Variants in SHISA9 observed in about 807,000 individuals in gnomAD.
SHISA9 encodes shisa family member 9.
Under a neutral mutation model 38.0 loss-of-function variants are expected in SHISA9, and 13 were observed. That is an observed-to-expected ratio of 0.34 (90% confidence interval 0.22 to 0.54). The LOEUF is 0.54. Among genes scored for constraint, SHISA9 ranks in the 20% least tolerant of loss-of-function variants. The pLI is 0.91. For missense variants in SHISA9, 538 were observed against 575.8 expected (o/e 0.93, Z 0.67); for synonymous variants, 275 against 242.0 (o/e 1.14, Z -1.27).
chr16:12,965,347 C>G (rs771142905), intron 2 of SHISA9, among the ~76,000 whole-genome samples: 5 of 152,180 alleles, frequency 3.3e-5, no homozygotes, highest in African/African-American at 4.8e-5. Flanking sequence ...CTGCCTAATT[C>G]CAGAGCACTT....
chr16:13,298,045 T>C, the SHISA9 span, among the ~76,000 whole-genome samples: 911 of 152,286 alleles, frequency 6.0e-3, 7 homozygotes, highest in African/African-American at 0.021. Flanking sequence ...CTTGAGCTAC[T>C]GTGCCCAGCT....
intron 2 of SHISA9, among the ~76,000 whole-genome samples, chr16:13,050,799 T>C (rs1198519697): frequency 6.6e-6 from 1 of 152,240 alleles, no homozygotes; most frequent in Non-Finnish European, 1.5e-5. Flanking sequence ...TCTGCTTCTG[T>C]GCTCAAGCTG....
intron 2 of SHISA9, among the ~76,000 whole-genome samples, chr16:13,145,736 A>G (rs915834265): frequency 4.6e-5 from 7 of 152,214 alleles, no homozygotes; most frequent in African/African-American, 1.2e-4. Flanking sequence ...GATTAATTGC[A>G]ATCTGCCAGT....
the SHISA9 span, among the ~76,000 whole-genome samples, chr16:13,365,980 A>G: frequency 6.6e-6 from 1 of 152,220 alleles, no homozygotes; most frequent in Non-Finnish European, 1.5e-5. Flanking sequence ...CATCTCATAG[A>G]AAATAAAAGC....
intron 2 of SHISA9, among the ~76,000 whole-genome samples, chr16:13,198,827 TG>T (rs1394861553): frequency 1.2e-4 from 18 of 152,346 alleles, no homozygotes; most frequent in Admixed American, 7.8e-4. Context: ...ATTTGCTTTA[TG>T]TGGTTCTTAA....
At chr16:12,976,806 A>C (rs1234007528) in intron 2 of SHISA9, among the ~76,000 whole-genome samples, 1 of 152,096 alleles carries the variant, frequency 6.6e-6, no homozygotes, top group Non-Finnish European at 1.5e-5. Flanking sequence ...TTTGCCTGGA[A>C]TGTCACCCCA....
At chr16:13,512,735 C>A in the SHISA9 span, among the ~76,000 whole-genome samples, 2 of 152,098 alleles carry the variant, frequency 1.3e-5, no homozygotes, top group Non-Finnish European at 2.9e-5. Flanking sequence ...CTTCGACAAA[C>A]CTGACAAAAA....
intron 1 of SHISA9, among the ~76,000 whole-genome samples, chr16:12,903,317 C>T (rs1022206918): frequency 2.0e-5 from 3 of 152,214 alleles, no homozygotes; most frequent in Non-Finnish European, 2.9e-5. Flanking sequence ...GCCATCGCTG[C>T]AGATTGAGCC....
intron 2 of SHISA9, among the ~76,000 whole-genome samples, chr16:13,135,465 A>T (rs1567223505): frequency 6.6e-6 from 1 of 152,176 alleles, no homozygotes; most frequent in African/African-American, 2.4e-5. Context: ...TGCGGCATAT[A>T]TACAAAGTTT....
chr16:13,103,088 T>A (rs1567212994), intron 2 of SHISA9, among the ~76,000 whole-genome samples: 1 of 152,214 alleles, frequency 6.6e-6, no homozygotes, highest in Non-Finnish European at 1.5e-5. Context: ...TTGATTCATT[T>A]ATAACTTGAG....
chr16:13,413,620 G>T, the SHISA9 span, among the ~76,000 whole-genome samples: 2 of 152,014 alleles, frequency 1.3e-5, no homozygotes, highest in Non-Finnish European at 2.9e-5. Context: ...GGCGGGCGTG[G>T]TGGTGGGTGC....
Position 13,156,879 on chromosome 16 carries a change from G to A in SHISA9, c.692-46515G>A, listed in dbSNP as rs553559894. On this transcript the variant is annotated intron_variant, in intron 2 of 4. Coordinates refer to ENST00000558583, the MANE Select transcript of SHISA9 (RefSeq NM_001145204.3). ...TAATCAGGTAGTCTCTCATCTTTGC[G>A]CTTCTCCACATCATGTGCGTCATCA... is the stretch of plus-strand genomic sequence containing the variant. Among the ~76,000 whole-genome samples the A allele has an allele frequency of 4.5e-4, 69 of 152,216 alleles. 1 individual carries two copies. The highest frequency in any genetic ancestry group is 6.8e-3 in the Middle Eastern group (2 of 294).
chr16:13,111,438 G>A (rs911311387), intron 2 of SHISA9, among the ~76,000 whole-genome samples: 4 of 151,396 alleles, frequency 2.6e-5, no homozygotes, highest in Non-Finnish European at 5.9e-5. Context: ...AATCCTGATT[G>A]CAGAAGATCA....
At chr16:13,007,088 T>C (rs2072607517) in intron 2 of SHISA9, among the ~76,000 whole-genome samples, 1 of 152,210 alleles carries the variant, frequency 6.6e-6, no homozygotes, top group Admixed American at 6.5e-5. Flanking sequence ...TGTGCCAGTG[T>C]ATTCTAGATA....
the SHISA9 span, among the ~76,000 whole-genome samples, chr16:13,518,497 T>G: frequency 6.6e-6 from 1 of 152,144 alleles, no homozygotes; most frequent in African/African-American, 2.4e-5. Flanking sequence ...TCTTGCTGAT[T>G]TCCCCTCCCT....
the SHISA9 span, among the ~76,000 whole-genome samples, chr16:13,424,540 C>A: frequency 1.3e-5 from 2 of 152,226 alleles, no homozygotes; most frequent in African/African-American, 2.4e-5. Context: ...AAAATGAAAT[C>A]ATGCGAAACT....
chr16:12,959,137 G>C (rs1476405063), intron 2 of SHISA9, among the ~76,000 whole-genome samples: 1 of 152,194 alleles, frequency 6.6e-6, no homozygotes, highest in Admixed American at 6.5e-5. Context: ...TTAAGAGCCT[G>C]TTTGGATTTG....
intron 2 of SHISA9, among the ~76,000 whole-genome samples, chr16:13,148,345 C>G (rs1391924488): frequency 1.3e-5 from 2 of 152,108 alleles, no homozygotes; most frequent in Admixed American, 1.3e-4. Context: ...TTTACACACC[C>G]CTGCAAACAC....
At chr16:13,394,925 T>TGG in the SHISA9 span, among the ~76,000 whole-genome samples, 820 of 114,270 alleles carry the variant, frequency 7.2e-3, 8 homozygotes, top group Non-Finnish European at 9.7e-3. Context: ...AAGCAGTATC[T>TGG]GGGGTGTGTG....
Sources: gnomAD v4.1 joint callset for allele counts (sites outside exome capture counted in the v4.1 genomes callset) on GRCh38, gnomAD v4.1.1 for gene constraint, MANE v1.5 for transcripts, NCBI Gene and HGNC (gene_info 2026-07-23, HGNC 2026-07-21) for gene names.